TTK: variants seen among roughly 807,000 people sequenced by gnomAD.
TTK encodes the protein TTK protein kinase, also known as dual specificity protein kinase TTK.
Under a neutral mutation model 117.3 loss-of-function variants are expected in TTK, and 59 were observed. That is an observed-to-expected ratio of 0.50 (90% CI 0.41 to 0.62). The LOEUF (loss-of-function observed/expected upper bound fraction) is 0.62. Ranked by LOEUF, TTK falls within the 20% of genes least tolerant of loss-of-function variation. The pLI, the probability that TTK is intolerant of heterozygous loss-of-function variation, is 0.00. For missense variants in TTK, 921 were observed against 989.4 expected, an observed-to-expected ratio of 0.93 and a Z score of 0.93; for synonymous variants, 302 against 325.0, an observed-to-expected ratio of 0.93 and a Z score of 0.76.
intron 13 of TTK, among the ~76,000 whole-genome samples, chr6:80,029,908 T>G (rs1230024762): frequency 2.0e-5 from 3 of 152,192 alleles, no homozygotes; most frequent in Non-Finnish European, 2.9e-5. Flanking sequence ...TTGAACTGCT[T>G]TCTTCCCTTG....
chr6:80,020,262 A>C (rs1009326627), intron 10 of TTK, among the ~76,000 whole-genome samples: 1 of 152,220 alleles, frequency 6.6e-6, no homozygotes, highest in African/African-American at 2.4e-5. Context: ...GTCAACCAAA[A>C]TTTGGGTAAA....
At chr6:80,020,776 G>A (rs544243277) in intron 10 of TTK, among the ~76,000 whole-genome samples, 4 of 152,036 alleles carry the variant, frequency 2.6e-5, no homozygotes, top group Non-Finnish European at 4.4e-5. Flanking sequence ...CTTCCCTAGC[G>A]GGGAGAGGAG....
intron 18 of TTK, 41 bp downstream of exon 18, chr6:80,038,088 G>C (rs757217539): frequency 7.1e-7 from 1 of 1,414,580 alleles, no homozygotes; most frequent in Non-Finnish European, 9.9e-7. Flanking sequence ...TCTGGCAACA[G>C]TAGGGAATGC....
At chr6:80,013,441 TGGGGAAA>T in intron 9 of TTK, 75 bp downstream of exon 9, 1 of 1,219,780 alleles carries the variant, frequency 8.2e-7, no homozygotes, top group South Asian at 1.3e-5. Flanking sequence ...GAGCTTTTTC[TGGGGAAA>T]GGGTTTATAA....
intron 10 of TTK, among the ~76,000 whole-genome samples, chr6:80,020,697 A>T (rs373147251): frequency 2.0e-5 from 3 of 152,336 alleles, no homozygotes; most frequent in East Asian, 3.9e-4. Context: ...CTTGACGCAG[A>T]TACAAGAAAT....
At chr6:80,039,114 T>G (rs1210804392) in intron 18 of TTK, among the ~76,000 whole-genome samples, 2 of 152,128 alleles carry the variant, frequency 1.3e-5, no homozygotes, top group Admixed American at 6.6e-5. Context: ...TGGAATTGTG[T>G]AATTGGCTTA....
Position 80,011,949 on chromosome 6 carries a change from G to C in TTK, c.865G>C (p.Asp289His). ...LNSPDCDVKTDDSVVPCFMKR... is the reference protein window; with the variant it reads ...LNSPDCDVKTHDSVVPCFMKR... ...TAGCCCAGATTGTGATGTGAAGACA[G>C]ATGATTCAGTTGTACCTTGTTTTAT... The change falls in exon 8 of 22, where the codon GAT (aspartate) becomes CAT (histidine). Residue 289 changes from aspartate to histidine, a missense_variant. Transcript: ENST00000369798. The C allele has an allele frequency of 1.2e-6, 2 of 1,611,906 alleles. No individual in the cohort carries two copies. Among genetic ancestry groups the C allele is most frequent in the African/African-American group, 2.7e-5 (2 of 74,956 alleles).
chr6:80,019,613 C>A (rs1248682955), intron 10 of TTK, among the ~76,000 whole-genome samples: 1 of 152,088 alleles, frequency 6.6e-6, no homozygotes, highest in Non-Finnish European at 1.5e-5. Flanking sequence ...TCCCTGTTAA[C>A]CATTTTTACA....
chr6:80,019,352 G>A (rs1407980007), intron 10 of TTK, among the ~76,000 whole-genome samples: 2 of 152,170 alleles, frequency 1.3e-5, no homozygotes, highest in Admixed American at 6.5e-5. Context: ...GTTGGAGAAT[G>A]CCCAGGCTCT....
intron 11 of TTK, among the ~76,000 whole-genome samples, chr6:80,025,003 A>T (rs543133676): frequency 5.9e-5 from 9 of 152,268 alleles, no homozygotes; most frequent in African/African-American, 2.2e-4. Flanking sequence ...AACAACTGTC[A>T]TTGTTTTTGT....
intron 11 of TTK, among the ~76,000 whole-genome samples, chr6:80,023,156 C>T (rs1024348020): frequency 3.9e-5 from 6 of 152,260 alleles, no homozygotes; most frequent in African/African-American, 1.4e-4. Context: ...TTTATTAATT[C>T]AGTGGTTCTC....
intron 2 of TTK, among the ~76,000 whole-genome samples, chr6:80,006,934 A>G (rs2127714059): frequency 6.6e-6 from 1 of 152,334 alleles, no homozygotes; most frequent in Admixed American, 6.5e-5. Flanking sequence ...ACTGAAGTTA[A>G]TAGAAGGAAT....
rs1562017808 is a variant in TTK, at chr6:80,022,431, C to T, written c.1216C>T (p.His406Tyr). 1 of 1,613,968 alleles carries T rather than the reference C, an allele frequency of 6.2e-7. No individual in the cohort carries two copies. ...INQNPAASSNHWQIPELARKV... is the reference protein window; with the variant it reads ...INQNPAASSNYWQIPELARKV... ...CCAGAATCCTGCTGCATCTTCAAAT[C>T]ACTGGCAGATTCCGGAGTTAGCCCG... is the stretch of plus-strand genomic sequence containing the variant. The change falls in exon 11 of 22, where the codon CAC (histidine) becomes TAC (tyrosine). Residue 406 changes from histidine to tyrosine, a missense_variant. His to Tyr is a moderately conservative substitution (Grantham distance 83, BLOSUM62 2). Coordinates refer to ENST00000369798, the MANE Select transcript of TTK (RefSeq NM_003318.5).
intron 14 of TTK, among the ~76,000 whole-genome samples, chr6:80,032,136 AT>A: frequency 6.6e-6 from 1 of 152,138 alleles, no homozygotes; most frequent in Admixed American, 6.5e-5. Context: ...CTTCCATTAG[AT>A]TTTTGCCTTC....
chr6:80,027,893 C>A lies in TTK; in HGVS notation c.1403C>A (p.Thr468Asn). Residue 468 changes from threonine (T) to asparagine (N), a missense_variant, in exon 13 of 22, where the codon ACT (threonine) becomes AAT (asparagine). By Grantham distance (65) the Thr-to-Asn change is moderately conservative. Coordinates refer to ENST00000369798, the MANE Select transcript of TTK (RefSeq NM_003318.5). ...ATATATATATTTCCTAGTTTTAGAACTCCAGTTGTAAAGAATGACTTTCCA... is the reference window on the plus strand; with the variant it reads ...ATATATATATTTCCTAGTTTTAGAAATCCAGTTGTAAAGAATGACTTTCCA... ...TLDDYMSCFR[T>N]PVVKNDFPPA... 1 of 1,593,156 alleles carries A rather than the reference C, an allele frequency of 6.3e-7. No homozygotes were observed. Among genetic ancestry groups the A allele is most frequent in the Non-Finnish European group, 8.6e-7 (1 of 1,168,728 alleles).
intron 16 of TTK, among the ~76,000 whole-genome samples, chr6:80,035,882 T>C (rs899628070): frequency 2.0e-5 from 3 of 152,114 alleles, no homozygotes; most frequent in South Asian, 2.1e-4. Flanking sequence ...TTTTAGGGTT[T>C]TTCTCTGCCT....
Position 80,011,990 on chromosome 6 carries a change from G to A in TTK, c.896+10G>A. 1 of 1,592,200 alleles carries A rather than the reference G, an allele frequency of 6.3e-7. No homozygotes were observed. Among genetic ancestry groups the A allele is most frequent in the South Asian group, 1.2e-5 (1 of 86,540 alleles). On this transcript the variant is annotated intron_variant, in intron 8 of 21. Transcript: ENST00000369798. ...CTTGTTTTATGAAAAGGTATGTTGAGTTTTAATTTTTAAAATTTGTTGTCC... is the reference window on the plus strand; with the variant it reads ...CTTGTTTTATGAAAAGGTATGTTGAATTTTAATTTTTAAAATTTGTTGTCC...
intron 8 of TTK, 46 bp from the exon 9 acceptor site, chr6:80,013,233 T>A: frequency 6.7e-7 from 1 of 1,495,820 alleles, no homozygotes; most frequent in Non-Finnish European, 9.0e-7. Context: ...TGAAAATTTT[T>A]TTTTTCAAAT....
At chr6:80,034,298 A>G (rs1307863960) in intron 14 of TTK, among the ~76,000 whole-genome samples, 1 of 152,140 alleles carries the variant, frequency 6.6e-6, no homozygotes, top group East Asian at 1.9e-4. Context: ...AAAACTAACA[A>G]ATCACAACTC....
Sources: allele counts gnomAD v4.1 joint callset (sites outside exome capture counted in the v4.1 genomes callset), GRCh38; gene constraint gnomAD v4.1.1; transcripts MANE v1.5; gene names NCBI Gene and HGNC (gene_info 2026-07-23, HGNC 2026-07-21).